The following TTC27 variants were observed in gnomAD, a reference collection of about 807,000 sequenced individuals.
The protein encoded by TTC27 is tetratricopeptide repeat domain 27.
TTC27 carries 79 observed loss-of-function variants against 115.9 expected under a neutral mutation model. The ratio of observed to expected loss-of-function variants is 0.68; its 90% CI spans 0.57 to 0.82. TTC27 has a LOEUF of 0.82. Ranked by LOEUF, TTC27 falls within the 40% of genes least tolerant of loss-of-function variation. TTC27 has a pLI of 0.00. For missense variants in TTC27, 1,054 were observed against 993.1 expected (o/e 1.06, Z -0.82); for synonymous variants, 401 against 356.0 (o/e 1.13, Z -1.42).
At chr2:32,629,277 A>C (rs1204342274) in intron 1 of TTC27, among the ~76,000 whole-genome samples, 2 of 151,118 alleles carry the variant, frequency 1.3e-5, no homozygotes, top group Non-Finnish European at 2.9e-5. Flanking sequence ...ATGCACCACC[A>C]TGCCCGGCTA....
chr2:32,702,117 C>A (rs1181423000), intron 9 of TTC27, among the ~76,000 whole-genome samples: 1 of 152,094 alleles, frequency 6.6e-6, no homozygotes, highest in African/African-American at 2.4e-5. Context: ...TTCCCAGGTA[C>A]TTCTAATGAG....
chr2:32,745,088 A>G (rs1668775359), intron 12 of TTC27, among the ~76,000 whole-genome samples: 1 of 149,286 alleles, frequency 6.7e-6, no homozygotes, highest in South Asian at 2.1e-4. Context: ...AAAAGCACAT[A>G]TATCCTCACA....
At chr2:32,649,233 TG>T (rs1490438161) in intron 4 of TTC27, among the ~76,000 whole-genome samples, 1 of 152,052 alleles carries the variant, frequency 6.6e-6, no homozygotes, top group Admixed American at 6.6e-5. Context: ...CTTCTCAGAT[TG>T]GGGGAACATC....
intron 16 of TTC27, among the ~76,000 whole-genome samples, chr2:32,793,188 G>T (rs1400509978): frequency 1.3e-5 from 2 of 152,134 alleles, no homozygotes; most frequent in African/African-American, 4.8e-5. Context: ...TCCTTAATAA[G>T]ATTATCAGCA....
intron 2 of TTC27, among the ~76,000 whole-genome samples, chr2:32,633,443 C>T (rs189785853): frequency 2.0e-5 from 3 of 152,052 alleles, no homozygotes; most frequent in East Asian, 3.9e-4. Context: ...GACAGGGTCT[C>T]GCTTTATCAT....
At chr2:32,640,073 A>C (rs776283833) in intron 3 of TTC27, among the ~76,000 whole-genome samples, 197 bp from the exon 4 acceptor site, 1 of 152,202 alleles carries the variant, frequency 6.6e-6, no homozygotes, top group Non-Finnish European at 1.5e-5. Flanking sequence ...GTGGCCATCC[A>C]TCAGGGCAGG....
chr2:32,780,797 A>G (rs1479645917), intron 14 of TTC27, among the ~76,000 whole-genome samples: 4 of 150,172 alleles, frequency 2.7e-5, no homozygotes, highest in Admixed American at 2.6e-4. Flanking sequence ...TGATTTTTAT[A>G]TATTAATTAT....
At chr2:32,803,660 A>G (rs1558352496) in intron 16 of TTC27, among the ~76,000 whole-genome samples, 1 of 152,158 alleles carries the variant, frequency 6.6e-6, no homozygotes, top group Non-Finnish European at 1.5e-5. Context: ...TTCCTTTATA[A>G]TGAAGATTAA....
At chr2:32,733,047 A>G (rs531492687) in intron 10 of TTC27, among the ~76,000 whole-genome samples, 3 of 152,346 alleles carry the variant, frequency 2.0e-5, no homozygotes, top group South Asian at 2.1e-4. Context: ...TTCTCTAGCA[A>G]TCCCACAATG....
chr2:32,724,975 A>G (rs1053059203), intron 10 of TTC27, among the ~76,000 whole-genome samples: 2 of 152,224 alleles, frequency 1.3e-5, no homozygotes, highest in African/African-American at 2.4e-5. Flanking sequence ...ATGGCAGCAG[A>G]CAAAGAGAGA....
intron 12 of TTC27, among the ~76,000 whole-genome samples, chr2:32,757,014 A>G (rs1669257310): frequency 6.6e-6 from 1 of 152,206 alleles, no homozygotes; most frequent in Non-Finnish European, 1.5e-5. Context: ...TGTATTGAGG[A>G]TGATTTTTAA....
intron 9 of TTC27, among the ~76,000 whole-genome samples, chr2:32,680,425 AAG>A (rs1174911164): frequency 1.3e-5 from 2 of 152,178 alleles, no homozygotes; most frequent in Non-Finnish European, 2.9e-5. Flanking sequence ...AGAGTAGACA[AAG>A]AGAGAACCAG....
intron 13 of TTC27, among the ~76,000 whole-genome samples, chr2:32,762,743 G>A (rs1669489523): frequency 6.6e-6 from 1 of 152,096 alleles, no homozygotes; most frequent in Non-Finnish European, 1.5e-5. Context: ...CCAGGTTCAG[G>A]CGATTCTCCT....
rs886749453 is a variant in TTC27 at position 32,783,617 on chromosome 2, CA to C, written c.1832+940del. Reference sequence around the variant, plus strand: ...CTTTTGGGGAAGATTTATCTGGTGGCAGTATATGAGGCAGACTAGAGGAAAC... The same window carrying C: ...CTTTTGGGGAAGATTTATCTGGTGGCGTATATGAGGCAGACTAGAGGAAAC... On this transcript the variant is annotated intron_variant, in intron 15 of 19. Transcript: ENST00000317907. Among the ~76,000 whole-genome samples, 60 of 152,106 alleles carry C rather than the reference CA, an allele frequency of 3.9e-4. 1 individual carries two copies. The highest frequency in any genetic ancestry group is 1.4e-3 in the African/African-American group (58 of 41,402).
intron 10 of TTC27, among the ~76,000 whole-genome samples, chr2:32,724,589 A>G (rs1031780309): frequency 2.6e-5 from 4 of 152,110 alleles, no homozygotes; most frequent in Admixed American, 1.3e-4. Flanking sequence ...TTAAAATTCT[A>G]TGTGATAAAA....
intron 15 of TTC27, among the ~76,000 whole-genome samples, chr2:32,786,217 G>A (rs1670343108): frequency 1.3e-5 from 2 of 152,018 alleles, no homozygotes; most frequent in African/African-American, 4.8e-5. Context: ...GGCTTCCCAG[G>A]TTCAAGTGAT....
intron 16 of TTC27, among the ~76,000 whole-genome samples, chr2:32,802,910 A>G (rs903125254): frequency 1.3e-5 from 2 of 152,226 alleles, no homozygotes; most frequent in Non-Finnish European, 2.9e-5. Flanking sequence ...ACTCTTTTTC[A>G]CATAGTCTAT....
intron 12 of TTC27, among the ~76,000 whole-genome samples, chr2:32,740,969 G>A (rs1668614594): frequency 6.6e-6 from 1 of 152,118 alleles, no homozygotes; most frequent in South Asian, 2.1e-4. Flanking sequence ...TTTATGATCT[G>A]TCTCCTGTTT....
intron 19 of TTC27, 72 bp from the exon 20 acceptor site, chr2:32,820,737 AACTCTAT>A: frequency 1.5e-6 from 2 of 1,310,144 alleles, no homozygotes; most frequent in South Asian, 2.0e-5. Context: ...AAGGTTTTTT[AACTCTAT>A]ACTCTGTATC....
Sources: gnomAD v4.1 joint callset for allele counts (sites outside exome capture counted in the v4.1 genomes callset) on GRCh38, gnomAD v4.1.1 for gene constraint, MANE v1.5 for transcripts, NCBI Gene and HGNC (gene_info 2026-07-23, HGNC 2026-07-21) for gene names.